Variants in LRRK2 observed in about 807,000 individuals in gnomAD.
LRRK2 encodes leucine rich repeat kinase 2.
In LRRK2, 203 loss-of-function variants were observed where a neutral mutation model predicts 302.6. The ratio of observed to expected loss-of-function variants is 0.67; its 90% CI spans 0.60 to 0.75. LRRK2 has a LOEUF of 0.75. LRRK2 is among the 30% of genes least tolerant of loss of function. The pLI is 0.00. For synonymous variants in LRRK2, 1,066 were observed against 1,031.9 expected, an observed-to-expected ratio of 1.03 and a Z score of -0.63; for missense variants, 2,830 against 2,951.0, an observed-to-expected ratio of 0.96 and a Z score of 0.95.
At chr12:40,256,461 C>T (rs1555176938) in intron 11 of LRRK2, among the ~76,000 whole-genome samples, 1 of 151,622 alleles carries the variant, frequency 6.6e-6, no homozygotes, top group Non-Finnish European at 1.5e-5. Flanking sequence ...GAAACACCAA[C>T]AAAAAAAGAG....
At chr12:40,233,325 C>G (rs1346986456) in intron 3 of LRRK2, among the ~76,000 whole-genome samples, 2 of 152,172 alleles carry the variant, frequency 1.3e-5, no homozygotes, top group African/African-American at 4.8e-5. Flanking sequence ...TTTTTGGCTT[C>G]CAATGGTATA....
chr12:40,225,013 G>T lies in LRRK2; in HGVS notation c.-119G>T, dbSNP rs1358271540. The stretch of plus-strand genomic sequence containing the variant: ...GGCGCCGATGGGGCCCGCGGGGAGC[G>T]CTGGCTGCGGGCGGTGAGCTGAGCT... On this transcript the variant is annotated 5_prime_UTR_variant, in exon 1 of 51. Transcript: ENST00000298910. The T allele has an allele frequency of 5.4e-5, 73 of 1,346,006 alleles. No individual in the cohort carries two copies. The highest frequency in any genetic ancestry group is 7.2e-5 in the Non-Finnish European group (70 of 966,728). The allele number at this position is 1,346,006 out of a possible 1,614,324, so 83.4% of individuals were successfully genotyped here.
intron 49 of LRRK2, chr12:40,365,955 A>C (rs1946867105): frequency 6.6e-6 from 1 of 151,988 alleles, no homozygotes; most frequent in African/African-American, 2.4e-5. Context: ...CAGTAGTCTT[A>C]TTCTACCAAA....
intron 5 of LRRK2, among the ~76,000 whole-genome samples, chr12:40,238,422 T>G (rs1161607971): frequency 5.3e-5 from 8 of 152,176 alleles, no homozygotes; most frequent in Non-Finnish European, 1.2e-4. Context: ...AAGCCAAGCA[T>G]AGGTTACACT....
intron 10 of LRRK2, among the ~76,000 whole-genome samples, chr12:40,252,173 T>C (rs962643576): frequency 6.6e-6 from 1 of 152,214 alleles, no homozygotes; most frequent in African/African-American, 2.4e-5. Context: ...AACTGATTGA[T>C]TATACTTGTG....
intron 11 of LRRK2, among the ~76,000 whole-genome samples, chr12:40,256,668 A>G (rs918801438): frequency 2.0e-5 from 3 of 152,216 alleles, no homozygotes; most frequent in African/African-American, 4.8e-5. Context: ...TAATGTTTGT[A>G]AAGTCCACTG....
At chr12:40,302,046 C>T (rs1565730429) in intron 25 of LRRK2, among the ~76,000 whole-genome samples, 1 of 151,996 alleles carries the variant, frequency 6.6e-6, no homozygotes, top group Non-Finnish European at 1.5e-5. Context: ...GACATGATGG[C>T]ACCTGCCTGT....
intron 18 of LRRK2, among the ~76,000 whole-genome samples, chr12:40,283,318 A>C (rs1272912854): frequency 6.6e-6 from 1 of 152,210 alleles, no homozygotes; most frequent in Non-Finnish European, 1.5e-5. Flanking sequence ...GGAAGGTTGA[A>C]GACTGAGAGA....
chr12:40,320,281 A>C, intron 34 of LRRK2, 106 bp downstream of exon 34: 1 of 944,766 alleles, frequency 1.1e-6, no homozygotes, highest in Non-Finnish European at 1.6e-6. Flanking sequence ...ATAAATAAAT[A>C]TATTTTGCTT....
intron 25 of LRRK2, among the ~76,000 whole-genome samples, chr12:40,302,419 AG>A (rs1944665930): frequency 6.6e-6 from 1 of 152,060 alleles, no homozygotes; most frequent in African/African-American, 2.4e-5. Context: ...AAGTGTTCAT[AG>A]TTGTTTTGCT....
At chr12:40,298,940 G>A (rs544821579) in intron 24 of LRRK2, among the ~76,000 whole-genome samples, 169 bp from the exon 25 acceptor site, 1 of 132,306 alleles carries the variant, frequency 7.6e-6, no homozygotes, top group East Asian at 2.2e-4. Context: ...AAAAGACCGA[G>A]GCAATGAATA....
At chr12:40,248,949 G>A (rs1334882206) in intron 7 of LRRK2, among the ~76,000 whole-genome samples, 2 of 152,180 alleles carry the variant, frequency 1.3e-5, no homozygotes, top group Non-Finnish European at 2.9e-5. Context: ...GCATGGGAAG[G>A]TGTTGGTAAA....
chr12:40,326,476 A>G lies in LRRK2; in HGVS notation c.5657-1884A>G, dbSNP rs1186812902. ...GCGAGACTCTGTCTCAAAAAAAAAA[A>G]GAAAAAAAAAAAGAAAAAAAAAACA... On this transcript the variant is annotated intron_variant, in intron 38 of 50. Transcript: ENST00000298910. Among the ~76,000 whole-genome samples the G allele has an allele frequency of 2.8e-3, 392 of 140,870 alleles. 4 individuals carry two copies. The highest frequency in any genetic ancestry group is 0.01 in the African/African-American group (367 of 36,030). 92.4% of individuals were successfully genotyped at this position (140,870 alleles called of 152,430 possible).
chr12:40,338,715 T>G (rs1371313760), intron 40 of LRRK2, among the ~76,000 whole-genome samples: 1 of 152,224 alleles, frequency 6.6e-6, no homozygotes, highest in African/African-American at 2.4e-5. Flanking sequence ...TAACTATTTC[T>G]TTTTAGCCTT....
chr12:40,230,378 G>T (rs1181677088), intron 2 of LRRK2, among the ~76,000 whole-genome samples: 1 of 152,044 alleles, frequency 6.6e-6, no homozygotes, highest in Non-Finnish European at 1.5e-5. Context: ...TTCTCACCTT[G>T]TCATTCAACT....
At chr12:40,261,431 G>A (rs1942771063) in intron 13 of LRRK2, among the ~76,000 whole-genome samples, 1 of 152,106 alleles carries the variant, frequency 6.6e-6, no homozygotes, top group Admixed American at 6.6e-5. Flanking sequence ...CAATCAATCA[G>A]ATGTATTATG....
intron 19 of LRRK2, among the ~76,000 whole-genome samples, 180 bp from the exon 20 acceptor site, chr12:40,287,171 T>A (rs976122110): frequency 4.6e-5 from 7 of 151,986 alleles, no homozygotes; most frequent in Admixed American, 6.6e-5. Context: ...TATGTTTTTT[T>A]AAAAAATATA....
intron 33 of LRRK2, among the ~76,000 whole-genome samples, chr12:40,318,223 T>C (rs1214114532): frequency 6.6e-6 from 1 of 151,896 alleles, no homozygotes; most frequent in Non-Finnish European, 1.5e-5. Flanking sequence ...CTAGCTCAGA[T>C]TAAAGGGGAA....
chr12:40,280,352 G>A (rs1943635059), intron 18 of LRRK2, among the ~76,000 whole-genome samples: 1 of 151,994 alleles, frequency 6.6e-6, no homozygotes, highest in African/African-American at 2.4e-5. Flanking sequence ...CTTCATGCAG[G>A]GTGGCTCATG....
Sources: allele counts gnomAD v4.1 joint callset (sites outside exome capture counted in the v4.1 genomes callset), GRCh38; gene constraint gnomAD v4.1.1; transcripts MANE v1.5; gene names NCBI Gene and HGNC (gene_info 2026-07-23, HGNC 2026-07-21).